PDE5A: variants seen among roughly 807,000 people sequenced by gnomAD.
PDE5A encodes cGMP-specific 3',5'-cyclic phosphodiesterase.
Under a neutral mutation model 110.2 loss-of-function variants are expected in PDE5A, and 67 were observed. The ratio of observed to expected loss-of-function variants is 0.61; its 90% confidence interval spans 0.50 to 0.75. The LOEUF (loss-of-function observed/expected upper bound fraction) is 0.75. Among genes scored for constraint, PDE5A ranks in the 30% least tolerant of loss-of-function variants. The pLI is 0.00. For missense variants in PDE5A, 862 were observed against 1,045.1 expected (o/e 0.82, Z 2.42); for synonymous variants, 328 against 351.2 (o/e 0.93, Z 0.74).
chr4:119,613,659 G>A (rs941768867), intron 1 of PDE5A, among the ~76,000 whole-genome samples: 2 of 152,080 alleles, frequency 1.3e-5, no homozygotes, highest in Non-Finnish European at 2.9e-5. Context: ...TAGTAGTTCT[G>A]ACTGGGTAAT....
chr4:119,535,598 T>G (rs990339020), intron 11 of PDE5A, among the ~76,000 whole-genome samples: 4 of 152,140 alleles, frequency 2.6e-5, no homozygotes, highest in Non-Finnish European at 5.9e-5. Flanking sequence ...CTCCGCAACT[T>G]GCAACTAAGG....
At chr4:119,531,157 T>A (rs1407299811) in intron 11 of PDE5A, among the ~76,000 whole-genome samples, 1 of 152,186 alleles carries the variant, frequency 6.6e-6, no homozygotes, top group East Asian at 1.9e-4. Flanking sequence ...GAACTGGTTA[T>A]ACATTATGAA....
chr4:119,585,729 C>T (rs6829903), intron 3 of PDE5A, among the ~76,000 whole-genome samples: 41,165 of 152,038 alleles, frequency 0.27, 5,633 homozygotes, highest in East Asian at 0.38. Context: ...CCTCTTGAGT[C>T]GGGTGTAGAA....
chr4:119,573,162 G>A (rs1033434146), intron 3 of PDE5A, among the ~76,000 whole-genome samples: 2 of 152,120 alleles, frequency 1.3e-5, no homozygotes, highest in African/African-American at 4.8e-5. Context: ...TCCAAAGAAT[G>A]GATGTTTGGG....
chr4:119,536,167 A>G (rs2110482064), intron 11 of PDE5A, among the ~76,000 whole-genome samples: 1 of 152,328 alleles, frequency 6.6e-6, no homozygotes, highest in South Asian at 2.1e-4. Flanking sequence ...TCAGTTATTC[A>G]AAAGTATTTT....
intron 1 of PDE5A, among the ~76,000 whole-genome samples, chr4:119,608,586 CA>C (rs1201542000): frequency 2.6e-5 from 4 of 151,996 alleles, no homozygotes; most frequent in African/African-American, 7.2e-5. Context: ...AAAACAAAAA[CA>C]AAAAAACCTA....
chr4:119,578,225 G>C (rs78739978), intron 3 of PDE5A, among the ~76,000 whole-genome samples: 146,944 of 151,098 alleles, frequency 0.97, 71,536 homozygotes, highest in East Asian at 1. Context: ...ATGCTCATGG[G>C]TAGGAAGAAT....
chr4:119,626,430 G>A (rs1252321170), intron 1 of PDE5A, among the ~76,000 whole-genome samples: 1 of 152,156 alleles, frequency 6.6e-6, no homozygotes, highest in Non-Finnish European at 1.5e-5. Flanking sequence ...AGGGAACGAA[G>A]AAAGGACATT....
intron 1 of PDE5A, among the ~76,000 whole-genome samples, chr4:119,608,142 T>G (rs1467170860): frequency 6.6e-6 from 1 of 152,198 alleles, no homozygotes; most frequent in Non-Finnish European, 1.5e-5. Flanking sequence ...AAATCAGACT[T>G]CTGTAAATAT....
chr4:119,563,119 AAAATCCTTTATT>A, intron 5 of PDE5A, 149 bp from the exon 6 acceptor site: 2 of 550,770 alleles, frequency 3.6e-6, no homozygotes, highest in Non-Finnish European at 6.1e-6. Context: ...ACTTATTAAC[AAAATCCTTTATT>A]GACTGTTAAT....
intron 3 of PDE5A, among the ~76,000 whole-genome samples, chr4:119,584,371 T>C (rs1167430491): frequency 6.6e-6 from 1 of 152,186 alleles, no homozygotes; most frequent in Non-Finnish European, 1.5e-5. Context: ...ATATGACAAC[T>C]CTCCCCCTTT....
chr4:119,610,221 C>A (rs1408493471), intron 1 of PDE5A, among the ~76,000 whole-genome samples: 1 of 152,166 alleles, frequency 6.6e-6, no homozygotes, highest in Non-Finnish European at 1.5e-5. Flanking sequence ...CTGGGATTTG[C>A]TTATGTAGCC....
At chr4:119,573,929 T>TA (rs1560622295) in intron 3 of PDE5A, among the ~76,000 whole-genome samples, 1 of 152,048 alleles carries the variant, frequency 6.6e-6, no homozygotes, top group African/African-American at 2.4e-5. Flanking sequence ...AGCTTGCCAT[T>TA]AAAAAAAGGA....
At chr4:119,592,063 T>C (rs991812089) in intron 3 of PDE5A, among the ~76,000 whole-genome samples, 2 of 147,982 alleles carry the variant, frequency 1.4e-5, no homozygotes, top group African/African-American at 5.0e-5. Context: ...GGCAGGAGAA[T>C]TGCTTGAACC....
chr4:119,627,074 C>T lies in PDE5A; in HGVS notation c.152+1446G>A. The T allele has an allele frequency of 1.3e-6, 2 of 1,570,426 alleles. No individual in the cohort carries two copies. Among genetic ancestry groups the T allele is most frequent in the South Asian group, 1.1e-5 (1 of 87,062 alleles). On this transcript the variant is annotated intron_variant, in intron 1 of 20. Coordinates refer to ENST00000354960, the MANE Select transcript of PDE5A (RefSeq NM_001083.4). This position sits in a 1 kb window ranked among gnomAD's most constrained non-coding sequence, Gnocchi z 4.6. ...CGTCCCACTGGTGCCACCGGGGCGC[C>T]ACCACCCAGCACCCGAGACCCGCCG...
chr4:119,586,873 C>T (rs1441690415), intron 3 of PDE5A, among the ~76,000 whole-genome samples: 1 of 152,090 alleles, frequency 6.6e-6, no homozygotes, highest in Non-Finnish European at 1.5e-5. Flanking sequence ...AATAGGATAC[C>T]ATTTGGGTAC....
chr4:119,568,819 C>T (rs1040504704), intron 3 of PDE5A, among the ~76,000 whole-genome samples: 9 of 151,936 alleles, frequency 5.9e-5, no homozygotes, highest in Non-Finnish European at 1.3e-4. Context: ...ATATGCAGTA[C>T]AAAAAGTATA....
At chr4:119,566,430 A>G (rs980246137) in intron 4 of PDE5A, among the ~76,000 whole-genome samples, 7 of 152,224 alleles carry the variant, frequency 4.6e-5, no homozygotes, top group African/African-American at 1.7e-4. Context: ...AGGAAAAATA[A>G]TAAAACCTAC....
chr4:119,544,355 T>C (rs544697394), intron 9 of PDE5A, among the ~76,000 whole-genome samples: 57 of 152,326 alleles, frequency 3.7e-4, no homozygotes, highest in Non-Finnish European at 7.2e-4. Flanking sequence ...AGACAAGATA[T>C]AATGAATTTG....
Sources: allele counts gnomAD v4.1 joint callset (sites outside exome capture counted in the v4.1 genomes callset), GRCh38; gene constraint gnomAD v4.1.1; non-coding constraint Gnocchi (gnomAD v3.1); transcripts MANE v1.5; gene names NCBI Gene and HGNC (gene_info 2026-07-23, HGNC 2026-07-21).